The following PCSK2 variants were observed in gnomAD, a reference collection of about 807,000 sequenced individuals.
PCSK2 encodes neuroendocrine convertase 2.
A neutral mutation model predicts 69.7 loss-of-function variants in PCSK2; 14 were observed. That is an observed-to-expected ratio of 0.20 (90% CI 0.13 to 0.31). The LOEUF (loss-of-function observed/expected upper bound fraction) is 0.31. PCSK2 is among the 10% of genes least tolerant of loss of function. PCSK2 has a pLI of 1.00. For synonymous variants in PCSK2, 307 were observed against 320.7 expected (o/e 0.96, Z 0.46); for missense variants, 544 against 842.5 (o/e 0.65, Z 4.39).
intron 2 of PCSK2, among the ~76,000 whole-genome samples, chr20:17,306,580 A>G (rs1028822840): frequency 1.3e-5 from 2 of 152,058 alleles, no homozygotes; most frequent in Admixed American, 1.3e-4. Context: ...AAATGGGAGG[A>G]CTCACTGAAG....
chr20:17,400,972 A>G (rs1339846200), intron 5 of PCSK2, among the ~76,000 whole-genome samples: 1 of 152,192 alleles, frequency 6.6e-6, no homozygotes, highest in East Asian at 1.9e-4. Flanking sequence ...GAATGAATAT[A>G]TTTAAATATA....
chr20:17,377,632 T>A (rs2030965049), intron 5 of PCSK2, among the ~76,000 whole-genome samples: 1 of 152,244 alleles, frequency 6.6e-6, no homozygotes, highest in African/African-American at 2.4e-5. Flanking sequence ...CCTTTGTTTC[T>A]TATTGAAAGG....
intron 6 of PCSK2, among the ~76,000 whole-genome samples, chr20:17,415,508 A>G (rs891382409): frequency 1.3e-5 from 2 of 152,234 alleles, no homozygotes; most frequent in Middle Eastern, 3.4e-3. Context: ...CAAGGAGAAC[A>G]ATAAACTGCT....
chr20:17,384,586 G>C (rs2031183928), intron 5 of PCSK2, among the ~76,000 whole-genome samples: 1 of 151,888 alleles, frequency 6.6e-6, no homozygotes, highest in Non-Finnish European at 1.5e-5. Context: ...TCCCCAACAA[G>C]AGTGAAACTC....
At chr20:17,404,331 T>C (rs773056779) in intron 5 of PCSK2, among the ~76,000 whole-genome samples, 1 of 152,236 alleles carries the variant, frequency 6.6e-6, no homozygotes, top group African/African-American at 2.4e-5. Flanking sequence ...TTCTTTCTTA[T>C]GGCAAGTAAC....
At chr20:17,242,157 T>G (rs558641706) in intron 1 of PCSK2, among the ~76,000 whole-genome samples, 11 of 152,222 alleles carry the variant, frequency 7.2e-5, no homozygotes, top group Non-Finnish European at 1.2e-4. Context: ...TTCCTGCTTA[T>G]GGGGAAGAGT....
chr20:17,440,122 C>T (rs1395482934), intron 8 of PCSK2, among the ~76,000 whole-genome samples: 1 of 152,248 alleles, frequency 6.6e-6, no homozygotes, highest in African/African-American at 2.4e-5. Context: ...TCCTGCCCCC[C>T]ATTGGCTGGG....
intron 2 of PCSK2, among the ~76,000 whole-genome samples, chr20:17,280,407 T>C (rs941205613): frequency 6.6e-6 from 1 of 152,208 alleles, no homozygotes; most frequent in African/African-American, 2.4e-5. Flanking sequence ...GAAGTGAAAT[T>C]GATGGGTCAA....
At chr20:17,259,325 A>G (rs1252207760) in intron 1 of PCSK2, among the ~76,000 whole-genome samples, 2 of 152,230 alleles carry the variant, frequency 1.3e-5, no homozygotes, top group East Asian at 1.9e-4. Context: ...AAATTAATTA[A>G]TCAGGTTAAG....
chr20:17,396,034 G>T (rs1003952006), intron 5 of PCSK2, among the ~76,000 whole-genome samples: 14 of 152,184 alleles, frequency 9.2e-5, no homozygotes, highest in Non-Finnish European at 1.9e-4. Flanking sequence ...AACTCTCACA[G>T]AGGAGGCAAG....
intron 4 of PCSK2, among the ~76,000 whole-genome samples, chr20:17,365,044 A>G (rs2123222768): frequency 6.6e-6 from 1 of 152,176 alleles, no homozygotes; most frequent in East Asian, 1.9e-4. Flanking sequence ...GATGTTTACA[A>G]TGTGCCTTAG....
intron 2 of PCSK2, among the ~76,000 whole-genome samples, chr20:17,335,528 AC>A (rs1467309360): frequency 6.7e-6 from 1 of 149,160 alleles, no homozygotes; most frequent in African/African-American, 2.5e-5. Flanking sequence ...TTTTGGGGAA[AC>A]AGGTGGTGTT....
chr20:17,303,657 A>G (rs1207445649), intron 2 of PCSK2, among the ~76,000 whole-genome samples: 1 of 144,250 alleles, frequency 6.9e-6, no homozygotes, highest in African/African-American at 2.6e-5. Context: ...GCTCACTGCA[A>G]CCTCTGCCTC....
intron 5 of PCSK2, among the ~76,000 whole-genome samples, chr20:17,408,407 C>G (rs1050322916): frequency 1.3e-5 from 2 of 151,410 alleles, no homozygotes; most frequent in South Asian, 2.1e-4. Flanking sequence ...AAAAAAAAAA[C>G]CCACAAAATT....
chr20:17,474,922 CTG>C (rs1479249531), intron 11 of PCSK2, among the ~76,000 whole-genome samples: 1 of 152,144 alleles, frequency 6.6e-6, no homozygotes, highest in Non-Finnish European at 1.5e-5. Context: ...TCCTCAGACA[CTG>C]TGCAGAGGGA....
chr20:17,330,978 T>G (rs1990191440), intron 2 of PCSK2, among the ~76,000 whole-genome samples: 1 of 152,216 alleles, frequency 6.6e-6, no homozygotes, highest in South Asian at 2.1e-4. Context: ...CTTTATATCT[T>G]TTGCTCAGAA....
chr20:17,378,020 C>G (rs551059843), intron 5 of PCSK2, among the ~76,000 whole-genome samples: 4 of 152,182 alleles, frequency 2.6e-5, no homozygotes, highest in Non-Finnish European at 5.9e-5. Flanking sequence ...ATTGTTCCCA[C>G]TGTGCAAAAT....
In PCSK2 at chr20:17,403,865, A is replaced by G. The variant is rs186555636; in HGVS notation, c.544-5398A>G. Among the ~76,000 whole-genome samples the G allele has an allele frequency of 8.9e-3, 1,358 of 152,348 alleles. 15 individuals carry two copies. The highest frequency in any genetic ancestry group is 0.038 in the South Asian group (184 of 4,830). On this transcript the variant is annotated intron_variant, in intron 5 of 11. Coordinates refer to ENST00000262545, the MANE Select transcript of PCSK2 (RefSeq NM_002594.5). The stretch of plus-strand genomic sequence containing the variant: ...AATTTCCTTGAGGTCGGGTTTGTGC[A>G]CAACTATAACCATAGAGACCTGTTT...
intron 1 of PCSK2, among the ~76,000 whole-genome samples, chr20:17,229,375 G>T (rs1421704107): frequency 6.7e-6 from 1 of 150,360 alleles, no homozygotes. Context: ...TAATTCTTGA[G>T]TGTGATCTTG....
Sources: allele counts gnomAD v4.1 joint callset (sites outside exome capture counted in the v4.1 genomes callset), GRCh38; gene constraint gnomAD v4.1.1; transcripts MANE v1.5; gene names NCBI Gene and HGNC (gene_info 2026-07-23, HGNC 2026-07-21).